DIP2A: variants seen among roughly 807,000 people sequenced by gnomAD.
DIP2A encodes DIP2 acetate--CoA ligase A, also known as disco-interacting protein 2 homolog A.
DIP2A carries 85 observed loss-of-function variants against 177.4 expected under a neutral mutation model. That is an observed-to-expected ratio of 0.48 (90% CI 0.40 to 0.57). DIP2A has a LOEUF of 0.57. Ranked by LOEUF, DIP2A falls within the 20% of genes least tolerant of loss-of-function variation. DIP2A has a pLI of 0.00. For missense variants in DIP2A, 1,791 were observed against 2,100.2 expected (o/e 0.85, Z 2.88); for synonymous variants, 886 against 881.8 (o/e 1.00, Z -0.08).
At chr21:46,534,245 C>T in intron 12 of DIP2A, 132 bp downstream of exon 12, 1 of 709,822 alleles carries the variant, frequency 1.4e-6, no homozygotes, top group African/African-American at 1.8e-5. Context: ...TATCTCTGCC[C>T]TGGAAATACA....
At chr21:46,541,952 G>GGTTTT (rs774234992) in intron 18 of DIP2A, 57 bp downstream of exon 18, 48 of 1,608,124 alleles carry the variant, frequency 3.0e-5, no homozygotes, top group Admixed American at 1.7e-4. Context: ...TAACGAAAAG[G>GGTTTT]GTTTTGTTTT....
Position 46,566,586 on chromosome 21 carries a change from G to A in DIP2A, c.4366G>A (p.Gly1456Arg). Residue 1456 changes from glycine to arginine, a missense_variant, in exon 37 of 38, where the codon GGG becomes AGG. Gly to Arg is a moderately radical substitution (Grantham distance 125). Transcript: ENST00000417564. ...GGRHDALYVV[G>R]SLDETLELRG... ...GCGGCACGATGCACTGTATGTGGTTGGGTCTCTGGATGAAACTCTGGAGCT... is the reference window on the plus strand; with the variant it reads ...GCGGCACGATGCACTGTATGTGGTTAGGTCTCTGGATGAAACTCTGGAGCT... 6.2e-7 allele frequency: 1 copy of A among 1,614,108 alleles called. No homozygotes were observed.
rs767352619 is a variant in DIP2A, at chr21:46,532,136, G to A, written c.1204G>A (p.Val402Met). The A allele has an allele frequency of 3.1e-6, 5 of 1,613,236 alleles. No individual in the cohort carries two copies. Among genetic ancestry groups the A allele is most frequent in the African/African-American group, 2.7e-5 (2 of 74,882 alleles). ...CTTTGTCCTGTTGTAGGTGGCGCTC[G>A]TGTTTCCGAATAGTGACCCTGTGAT... is the stretch of plus-strand genomic sequence containing the variant. ...LLKPGDRVALVFPNSDPVMFM... is the reference protein window; with the variant it reads ...LLKPGDRVALMFPNSDPVMFM... The change falls in exon 10 of 38, where the codon GTG (valine) becomes ATG (methionine). Residue 402 changes from valine to methionine, a missense_variant. Transcript: ENST00000417564.
intron 5 of DIP2A, among the ~76,000 whole-genome samples, chr21:46,501,944 T>G (rs890556883): frequency 7.2e-5 from 11 of 152,220 alleles, no homozygotes; most frequent in African/African-American, 1.2e-4. Context: ...CTTAACGGTT[T>G]AGATTTTTTC....
chr21:46,550,663 G>A lies in DIP2A; in HGVS notation c.2758G>A (p.Gly920Arg), dbSNP rs763528551. ...ISETKQRFLE[G>R]TLHPCNVLMC... The stretch of plus-strand genomic sequence containing the variant: ...TGAAACCAAACAGCGCTTTCTGGAA[G>A]GGACGCTGCACCCGTGTAATGTGCT... Residue 920 changes from glycine (G) to arginine (R), a missense_variant, in exon 23 of 38, where the codon GGG (glycine) becomes AGG (arginine). Gly to Arg is a moderately radical substitution (Grantham distance 125). Coordinates refer to ENST00000417564, the MANE Select transcript of DIP2A (RefSeq NM_015151.4). The A allele has an allele frequency of 1.9e-6, 3 of 1,613,998 alleles. No homozygotes were observed. Among genetic ancestry groups the A allele is most frequent in the East Asian group, 4.5e-5 (2 of 44,876 alleles).
intron 21 of DIP2A, among the ~76,000 whole-genome samples, chr21:46,549,446 TAATA>T (rs1386195714): frequency 2.6e-5 from 4 of 152,310 alleles, no homozygotes; most frequent in Middle Eastern, 3.4e-3. Flanking sequence ...TAAAAAAATA[TAATA>T]AATAGAACTT....
intron 28 of DIP2A, among the ~76,000 whole-genome samples, chr21:46,555,238 C>T (rs186626370): frequency 1.5e-4 from 23 of 152,334 alleles, no homozygotes; most frequent in Non-Finnish European, 2.5e-4. Flanking sequence ...TTTCTGCAAA[C>T]GCTTTGAGGA....
At chr21:46,488,756 T>C (rs886208749) in intron 2 of DIP2A, among the ~76,000 whole-genome samples, 2 of 152,210 alleles carry the variant, frequency 1.3e-5, no homozygotes, top group Non-Finnish European at 2.9e-5. Flanking sequence ...TACTGTAACC[T>C]TTTTGGAAAG....
chr21:46,484,213 C>T (rs1178031674), intron 1 of DIP2A, among the ~76,000 whole-genome samples: 2 of 152,102 alleles, frequency 1.3e-5, no homozygotes, highest in Non-Finnish European at 2.9e-5. Flanking sequence ...TGGGATATGG[C>T]CTTAGAGTTT....
In DIP2A at chr21:46,509,286, A is replaced by C. The variant is rs1311253574; in HGVS notation, c.814A>C (p.Lys272Gln). ...CCCTGTGAACAGCAGAGTGTCCTCC[A>C]AAATCCAGCAGCTTCTGAACACCCT... ...GVPVNSRVSS[K>Q]IQQLLNTLKR... The change falls in exon 7 of 38, where the codon AAA becomes CAA. Residue 272 changes from lysine (K) to glutamine (Q), a missense_variant. Lys to Gln is a moderately conservative substitution (Grantham distance 53, BLOSUM62 1). Transcript: ENST00000417564. 1.1e-5 allele frequency: 17 copies of C among 1,613,656 alleles called. No homozygotes were observed. The highest frequency in any genetic ancestry group is 1.4e-5 in the Non-Finnish European group (17 of 1,179,740).
intron 26 of DIP2A, 37 bp downstream of exon 26, chr21:46,554,329 T>C (rs766746831): frequency 5.6e-6 from 9 of 1,610,410 alleles, no homozygotes; most frequent in Non-Finnish European, 6.8e-6. Flanking sequence ...TGCAGCTCTT[T>C]GTAAGCAGCC....
In DIP2A at chr21:46,538,570, G is replaced by T; in HGVS notation, c.1889G>T (p.Arg630Leu). ...GQRDVSLSSL[R>L]MLIVADGANP... is the part of the protein sequence containing the mutation. ...AGGGACGTCAGCCTCAGCTCACTGC[G>T]CATGCTGATTGTGGCCGATGGTGCC... The change falls in exon 16 of 38, where the codon CGC (arginine) becomes CTC (leucine). Residue 630 changes from arginine to leucine, a missense_variant. Arg to Leu is a moderately radical substitution (Grantham distance 102). Transcript: ENST00000417564. 1 of 1,561,996 alleles carries T rather than the reference G, an allele frequency of 6.4e-7. No individual in the cohort carries two copies. Among genetic ancestry groups the T allele is most frequent in the Non-Finnish European group, 8.7e-7 (1 of 1,155,118 alleles).
chr21:46,533,678 G>A (rs756689728), intron 11 of DIP2A, 31 bp downstream of exon 11: 1 of 1,613,690 alleles, frequency 6.2e-7, no homozygotes, highest in Non-Finnish European at 8.5e-7. Flanking sequence ...GGGAGTCAGT[G>A]TTCTGACTGT....
chr21:46,535,689 A>C (rs1227029605), intron 13 of DIP2A, among the ~76,000 whole-genome samples: 1 of 152,224 alleles, frequency 6.6e-6, no homozygotes, highest in African/African-American at 2.4e-5. Context: ...GGTATTTTTT[A>C]AGGGCTTTAT....
Position 46,537,272 on chromosome 21 carries a change from G to C in DIP2A, c.1691G>C (p.Trp564Ser). ...VLDFKRDAGL[W>S]HGVLTSVMNR... ...GATTTCAAAAGGGATGCTGGTCTGT[G>C]GCATGGCGTGTTAACAGTGAGTGTT... The change falls in exon 14 of 38, where the codon TGG (tryptophan) becomes TCG (serine). Residue 564 changes from tryptophan to serine, a missense_variant. Physicochemically the swap from Trp to Ser is radical, Grantham distance 177. Coordinates refer to ENST00000417564, the MANE Select transcript of DIP2A (RefSeq NM_015151.4). This position sits in a 1 kb window ranked among gnomAD's most constrained non-coding sequence, Gnocchi z 4.1. The C allele has an allele frequency of 6.2e-7, 1 of 1,614,022 alleles. No homozygotes were observed. The highest frequency in any genetic ancestry group is 8.5e-7 in the Non-Finnish European group (1 of 1,179,894).
chr21:46,461,897 C>CAAA (rs34255178), intron 1 of DIP2A, among the ~76,000 whole-genome samples: 2 of 138,750 alleles, frequency 1.4e-5, no homozygotes, highest in Non-Finnish European at 3.1e-5. Context: ...CTGCCTCTTC[C>CAAA]AAAAAAAAAA....
At chr21:46,579,258 G>A in the DIP2A span, among the ~76,000 whole-genome samples, 1 of 152,162 alleles carries the variant, frequency 6.6e-6, no homozygotes, top group South Asian at 2.1e-4. Flanking sequence ...GATGTTTATA[G>A]TATTCTCTGA....
At chr21:46,471,709 T>C (rs1256839276) in intron 1 of DIP2A, among the ~76,000 whole-genome samples, 1 of 152,188 alleles carries the variant, frequency 6.6e-6, no homozygotes, top group African/African-American at 2.4e-5. Context: ...TACCCAAGGG[T>C]CTCCCTTCCC....
chr21:46,573,402 G>A (rs111443448), downstream of DIP2A, among the ~76,000 whole-genome samples: 18,234 of 151,816 alleles, frequency 0.12, 1,441 homozygotes, highest in African/African-American at 0.22. Flanking sequence ...GCTCATGTCT[G>A]TAATCCCAGC....
Sources: gnomAD v4.1 joint callset for allele counts (sites outside exome capture counted in the v4.1 genomes callset) on GRCh38, gnomAD v4.1.1 for gene constraint, Gnocchi (gnomAD v3.1) non-coding constraint, MANE v1.5 for transcripts, NCBI Gene and HGNC (gene_info 2026-07-23, HGNC 2026-07-21) for gene names.